The following OPCML variants were observed in gnomAD, a reference collection of about 807,000 sequenced individuals.
OPCML encodes opioid-binding protein/cell adhesion molecule.
Under a neutral mutation model 37.8 loss-of-function variants are expected in OPCML, and 13 were observed. The ratio of observed to expected loss-of-function variants is 0.34; its 90% confidence interval spans 0.22 to 0.55. The LOEUF is 0.55. Ranked by LOEUF, OPCML falls within the 20% of genes least tolerant of loss-of-function variation. The probability of loss-of-function intolerance (pLI) is 0.91; values close to 1 mark genes in which losing one functional copy is unlikely to be tolerated. For synonymous variants in OPCML, 176 were observed against 168.8 expected (o/e 1.04, Z -0.33); for missense variants, 341 against 435.6 (o/e 0.78, Z 1.93).
intron 3 of OPCML, among the ~76,000 whole-genome samples, chr11:132,622,368 G>T (rs1939472998): frequency 6.6e-6 from 1 of 151,980 alleles, no homozygotes; most frequent in Admixed American, 6.6e-5. Context: ...GGAGAGAGAA[G>T]CGTGGAAACC....
At chr11:132,439,694 C>T (rs558899340) in intron 4 of OPCML, among the ~76,000 whole-genome samples, 4 of 58,696 alleles carry the variant, frequency 6.8e-5, no homozygotes, top group South Asian at 1.2e-3. Context: ...CCAGACACCT[C>T]GCCATTTTTT....
chr11:132,545,371 A>G (rs2096366491), intron 3 of OPCML, among the ~76,000 whole-genome samples: 1 of 152,222 alleles, frequency 6.6e-6, no homozygotes, highest in Non-Finnish European at 1.5e-5. Flanking sequence ...GATGGAGAAC[A>G]TTTATTTTTG....
chr11:133,330,766 C>G (rs887306885), intron 1 of OPCML, among the ~76,000 whole-genome samples: 10 of 152,092 alleles, frequency 6.6e-5, no homozygotes, highest in Admixed American at 1.3e-4. Context: ...AGCACACCAA[C>G]ATGGCACATG....
intron 1 of OPCML, among the ~76,000 whole-genome samples, chr11:133,023,510 G>A (rs1245146141): frequency 6.6e-6 from 1 of 152,184 alleles, no homozygotes; most frequent in African/African-American, 2.4e-5. Context: ...TTCACCTAAA[G>A]ACCATGATCT....
intron 1 of OPCML, chr11:133,420,695 T>C: frequency 2.0e-6 from 2 of 985,446 alleles, no homozygotes; most frequent in South Asian, 4.7e-5. Flanking sequence ...CATCTAGGCC[T>C]ACCCTAAATT....
intron 2 of OPCML, among the ~76,000 whole-genome samples, chr11:132,818,553 C>T (rs1002658050): frequency 1.3e-5 from 2 of 149,326 alleles, no homozygotes; most frequent in African/African-American, 2.5e-5. Flanking sequence ...TCTTGCTCGC[C>T]GTGTGAGCCA....
chr11:133,105,409 A>G (rs1487843757), intron 1 of OPCML, among the ~76,000 whole-genome samples: 1 of 152,226 alleles, frequency 6.6e-6, no homozygotes, highest in Non-Finnish European at 1.5e-5. Context: ...GAAAAGGTAT[A>G]GGTTGATTTA....
intron 2 of OPCML, among the ~76,000 whole-genome samples, chr11:132,726,248 G>C (rs774466620): frequency 6.6e-6 from 1 of 152,162 alleles, no homozygotes; most frequent in Non-Finnish European, 1.5e-5. Context: ...CACATGGCTG[G>C]GGAGGCTTCA....
At chr11:133,019,449 T>C (rs997027987) in intron 1 of OPCML, among the ~76,000 whole-genome samples, 2 of 152,174 alleles carry the variant, frequency 1.3e-5, no homozygotes, top group African/African-American at 4.8e-5. Context: ...CGGACACCAC[T>C]TGATATTTGA....
intron 1 of OPCML, among the ~76,000 whole-genome samples, chr11:133,068,338 C>T (rs1018860791): frequency 6.6e-6 from 1 of 152,194 alleles, no homozygotes; most frequent in South Asian, 2.1e-4. Flanking sequence ...ATCAGAAGAA[C>T]ATCCTCATTC....
intron 3 of OPCML, among the ~76,000 whole-genome samples, chr11:132,634,857 T>C (rs986437852): frequency 6.6e-6 from 1 of 151,824 alleles, no homozygotes; most frequent in Non-Finnish European, 1.5e-5. Flanking sequence ...CCCAACTTGT[T>C]AGGGAGGATT....
At chr11:132,808,254 G>C (rs888669520) in intron 2 of OPCML, among the ~76,000 whole-genome samples, 1 of 152,198 alleles carries the variant, frequency 6.6e-6, no homozygotes, top group Non-Finnish European at 1.5e-5. Context: ...GCGGGATGTT[G>C]AGACACTATA....
chr11:133,139,874 G>A (rs1949741751), intron 1 of OPCML, among the ~76,000 whole-genome samples: 1 of 152,080 alleles, frequency 6.6e-6, no homozygotes, highest in South Asian at 2.1e-4. Context: ...GTCTTAACGA[G>A]AAGAGGAAAA....
intron 1 of OPCML, among the ~76,000 whole-genome samples, chr11:133,440,463 A>G (rs1336902864): frequency 6.6e-6 from 1 of 151,186 alleles, no homozygotes; most frequent in African/African-American, 2.4e-5. Flanking sequence ...GTGGTGGCTC[A>G]CGCCTGTAAT....
chr11:132,855,040 G>C (rs1021884792), intron 2 of OPCML, among the ~76,000 whole-genome samples: 2 of 152,200 alleles, frequency 1.3e-5, no homozygotes, highest in Non-Finnish European at 1.5e-5. Flanking sequence ...CTAATAAAAG[G>C]CTATGAGATT....
chr11:132,558,324 TCTCCCC>T (rs1565664108), intron 3 of OPCML, among the ~76,000 whole-genome samples: 5 of 19,928 alleles, frequency 2.5e-4, no homozygotes, highest in South Asian at 4.1e-3. Flanking sequence ...CCTCCTCCCC[TCTCCCC>T]CCCTCCTCCT....
intron 1 of OPCML, among the ~76,000 whole-genome samples, chr11:132,972,518 G>A (rs922753907): frequency 2.0e-5 from 3 of 152,308 alleles, no homozygotes; most frequent in Non-Finnish European, 4.4e-5. Context: ...ATTTTCTGGT[G>A]CTGCATCTCT....
At chr11:132,805,322 T>C (rs1368835060) in intron 2 of OPCML, among the ~76,000 whole-genome samples, 1 of 152,158 alleles carries the variant, frequency 6.6e-6, no homozygotes, top group Non-Finnish European at 1.5e-5. Context: ...TATTAAATGA[T>C]TTACTTTTTG....
chr11:132,958,610 G>A (rs575675187), intron 1 of OPCML, among the ~76,000 whole-genome samples: 6 of 152,148 alleles, frequency 3.9e-5, no homozygotes, highest in African/African-American at 7.2e-5. Flanking sequence ...CTGACTCTCC[G>A]GTTAGGAGCT....
Sources: gnomAD v4.1 joint callset for allele counts (sites outside exome capture counted in the v4.1 genomes callset) on GRCh38, gnomAD v4.1.1 for gene constraint, MANE v1.5 for transcripts, NCBI Gene and HGNC (gene_info 2026-07-23, HGNC 2026-07-21) for gene names.